Variants in BCO1 observed in about 807,000 individuals in gnomAD.
The protein encoded by BCO1 is beta,beta-carotene 15,15'-dioxygenase.
In BCO1, 54 loss-of-function variants were observed where a neutral mutation model predicts 56.3. The observed-to-expected ratio is 0.96, with a 90% confidence interval of 0.77 to 1.20. BCO1 has a LOEUF of 1.20. BCO1 is among the 50% of genes most tolerant of loss of function. The probability of loss-of-function intolerance (pLI) is 0.00; values close to 1 mark genes in which losing one functional copy is unlikely to be tolerated. For missense variants in BCO1, 801 were observed against 690.9 expected (o/e 1.16, Z -1.79); for synonymous variants, 318 against 266.1 (o/e 1.20, Z -1.90).
chr16:81,290,237 G>C, intron 10 of BCO1, 111 bp from the exon 11 acceptor site: 1 of 905,056 alleles, frequency 1.1e-6, no homozygotes, highest in South Asian at 1.4e-5. Flanking sequence ...ACTCCCTCCT[G>C]TTTTGGTTAG....
At chr16:81,277,942 C>T (rs1268565656) in intron 7 of BCO1, among the ~76,000 whole-genome samples, 2 of 152,206 alleles carry the variant, frequency 1.3e-5, no homozygotes, top group South Asian at 2.1e-4. Context: ...GGAATGTGCC[C>T]AGAGGTCTCT....
intron 4 of BCO1, among the ~76,000 whole-genome samples, 168 bp from the exon 5 acceptor site, chr16:81,264,472 G>A (rs1279947519): frequency 3.9e-5 from 6 of 152,244 alleles, no homozygotes; most frequent in South Asian, 2.1e-4. Flanking sequence ...ATTCTGTATC[G>A]TTTTCAGATC....
chr16:81,253,747 T>C (rs558313433), intron 2 of BCO1, among the ~76,000 whole-genome samples: 38 of 152,254 alleles, frequency 2.5e-4, no homozygotes, highest in African/African-American at 6.5e-4. Flanking sequence ...GAGGATCGCT[T>C]GAGTCCAGGA....
chr16:81,271,239 C>G (rs539653166), intron 7 of BCO1, among the ~76,000 whole-genome samples: 2 of 152,008 alleles, frequency 1.3e-5, no homozygotes, highest in South Asian at 4.2e-4. Context: ...CTCGGCCTCT[C>G]AAGTACCTGG....
intron 7 of BCO1, among the ~76,000 whole-genome samples, chr16:81,271,616 A>G (rs1223253678): frequency 2.0e-5 from 3 of 152,100 alleles, no homozygotes; most frequent in Admixed American, 1.3e-4. Context: ...CTTTCTAGAC[A>G]TCACGTATAA....
chr16:81,240,143 T>C (rs773382465), intron 1 of BCO1, among the ~76,000 whole-genome samples: 17 of 152,024 alleles, frequency 1.1e-4, no homozygotes, highest in Non-Finnish European at 1.8e-4. Context: ...AATCTGTATA[T>C]ATATATAGCT....
Position 81,287,377 on chromosome 16 carries a change from C to A in BCO1, c.1385C>A (p.Pro462His). Residue 462 changes from proline (P) to histidine (H), a missense_variant, in exon 10 of 11, where the codon CCC (proline) becomes CAC (histidine). Pro to His is a moderately conservative substitution (Grantham distance 77, BLOSUM62 -2). Coordinates refer to ENST00000258168, the MANE Select transcript of BCO1 (RefSeq NM_017429.3). ...DCWPAEPLFV[P>H]APGAKDEDDG... is the part of the protein sequence containing the mutation. The stretch of plus-strand genomic sequence containing the variant: ...TGGCCAGCGGAACCCCTGTTTGTGC[C>A]CGCGCCAGGTGCCAAGGATGAGGAT... 1 of 1,614,010 alleles carries A rather than the reference C, an allele frequency of 6.2e-7. No homozygotes were observed. The highest frequency in any genetic ancestry group is 8.5e-7 in the Non-Finnish European group (1 of 1,179,948).
rs1904973905 is a variant in BCO1, at chr16:81,238,793, G to A, written c.-116G>A. 4.5e-6 allele frequency: 4 copies of A among 893,372 alleles called. No homozygotes were observed. Among genetic ancestry groups the A allele is most frequent in the South Asian group, 4.1e-5 (3 of 74,058 alleles). 55.3% of individuals were successfully genotyped at this position (893,372 alleles called of 1,614,324 possible). A position where few individuals can be genotyped will look rare whatever the true frequency, so the allele number is the denominator to read the frequency against. Reference sequence around the variant, plus strand: ...GCATCAGGAGAGACAGAGATGTGAAGGAGGGAAGGAGCAGGAGAGCAGGAA... The same window carrying A: ...GCATCAGGAGAGACAGAGATGTGAAAGAGGGAAGGAGCAGGAGAGCAGGAA... On this transcript the variant is annotated 5_prime_UTR_variant, in exon 1 of 11. Coordinates refer to ENST00000258168, the MANE Select transcript of BCO1 (RefSeq NM_017429.3).
chr16:81,280,858 A>T lies in BCO1; in HGVS notation c.1103A>T (p.Asn368Ile). ...TTTTTGAAAACTGAATTTTTTCAGA[A>T]TGCAGAAGTGGGCACAAATTTAATC... ...RFAVPLHVDK[N>I]AEVGTNLIKV... is the part of the protein sequence containing the mutation. Residue 368 changes from asparagine to isoleucine, a missense_variant and splice_region_variant, in exon 8 of 11, where the codon AAT (asparagine) becomes ATT (isoleucine). Asn to Ile is a moderately radical substitution (Grantham distance 149). Coordinates refer to ENST00000258168, the MANE Select transcript of BCO1 (RefSeq NM_017429.3). 4 of 1,611,886 alleles carry T rather than the reference A, an allele frequency of 2.5e-6. No individual in the cohort carries two copies. In the South Asian group the frequency reaches 4.4e-5, roughly 18 times the overall value.
chr16:81,242,664 C>T (rs1905186789), intron 1 of BCO1, among the ~76,000 whole-genome samples: 1 of 152,106 alleles, frequency 6.6e-6, no homozygotes, highest in Non-Finnish European at 1.5e-5. Flanking sequence ...CAGGGAATTT[C>T]CCAGTCCACA....
At chr16:81,242,435 G>A (rs565419718) in intron 1 of BCO1, among the ~76,000 whole-genome samples, 75 of 151,968 alleles carry the variant, frequency 4.9e-4, no homozygotes, top group Non-Finnish European at 7.8e-4. Context: ...TTCTGACCTC[G>A]AGTGATCCAT....
At chr16:81,253,834 G>C (rs529562531) in intron 2 of BCO1, among the ~76,000 whole-genome samples, 1 of 152,106 alleles carries the variant, frequency 6.6e-6, no homozygotes, top group Non-Finnish European at 1.5e-5. Context: ...ATGGTAGCAC[G>C]CACCTATAGT....
intron 2 of BCO1, among the ~76,000 whole-genome samples, chr16:81,259,226 G>T (rs565197392): frequency 6.6e-6 from 1 of 152,194 alleles, no homozygotes; most frequent in Non-Finnish European, 1.5e-5. Context: ...GGGCATGGTG[G>T]CTCACGCTTG....
At chr16:81,244,703 A>G (rs1597343199) in intron 1 of BCO1, among the ~76,000 whole-genome samples, 2 of 147,654 alleles carry the variant, frequency 1.4e-5, no homozygotes, top group African/African-American at 2.5e-5. Context: ...CTACGTCTGT[A>G]GCGTTGCCCC....
At position 81,285,510 on chromosome 16, in the gene BCO1, G is replaced by A. The variant is rs189044321; in HGVS notation, c.1208-30G>A. On this transcript the variant is annotated intron_variant, in intron 8 of 10. Transcript: ENST00000258168. ...GATGCTCCCAGCCCCCAATGATAGG[G>A]GCTTCATCCACCTCCTCATTTCCTT... The A allele has an allele frequency of 8.0e-5, 122 of 1,520,504 alleles. No individual in the cohort carries two copies. In the African/African-American group the frequency reaches 1.6e-3, roughly 20 times the overall value. The allele number at this position is 1,520,504 out of a possible 1,614,324, so 94.2% of individuals were successfully genotyped here.
chr16:81,276,020 C>A (rs146124632), intron 7 of BCO1, among the ~76,000 whole-genome samples: 1 of 152,342 alleles, frequency 6.6e-6, no homozygotes, highest in South Asian at 2.1e-4. Flanking sequence ...TGTGCACCCA[C>A]GCCTAAGGGG....
chr16:81,246,117 C>T (rs1322593576), intron 2 of BCO1, among the ~76,000 whole-genome samples: 1 of 152,150 alleles, frequency 6.6e-6, no homozygotes, highest in Non-Finnish European at 1.5e-5. Flanking sequence ...GCATGAGCCA[C>T]TGCGCCCGGC....
chr16:81,264,290 T>C (rs1220098168), intron 4 of BCO1, among the ~76,000 whole-genome samples: 1 of 152,176 alleles, frequency 6.6e-6, no homozygotes, highest in African/African-American at 2.4e-5. Context: ...CAGTGAGGAA[T>C]CTTGTTTCCA....
intron 5 of BCO1, among the ~76,000 whole-genome samples, chr16:81,265,796 A>G (rs1906783616): frequency 1.0e-5 from 1 of 97,780 alleles, no homozygotes; most frequent in African/African-American, 4.3e-5. Context: ...CCATCCATCC[A>G]TTGAGCCACC....
Sources: allele counts gnomAD v4.1 joint callset (sites outside exome capture counted in the v4.1 genomes callset), GRCh38; gene constraint gnomAD v4.1.1; transcripts MANE v1.5; gene names NCBI Gene and HGNC (gene_info 2026-07-23, HGNC 2026-07-21).